ITGA4: variants seen among roughly 807,000 people sequenced by gnomAD.
ITGA4 encodes integrin subunit alpha 4.
Under a neutral mutation model 133.6 loss-of-function variants are expected in ITGA4, and 63 were observed. That is an observed-to-expected ratio of 0.47 (90% confidence interval 0.38 to 0.58). The LOEUF (loss-of-function observed/expected upper bound fraction) is 0.58, where lower values mean the gene tolerates loss of function less well. Ranked by LOEUF, ITGA4 falls within the 20% of genes least tolerant of loss-of-function variation. The pLI is 0.00. For missense variants in ITGA4, 1,076 were observed against 1,252.7 expected (o/e 0.86, Z 2.13); for synonymous variants, 483 against 438.0 (o/e 1.10, Z -1.28).
intron 4 of ITGA4, chr2:181,476,028 G>A (rs1333789964): frequency 7.7e-6 from 7 of 907,068 alleles, no homozygotes; most frequent in Non-Finnish European, 1.1e-5. Context: ...AAATTTTATT[G>A]GTTGGCAAAA....
At chr2:181,504,996 C>T (rs1210820469) in intron 15 of ITGA4, among the ~76,000 whole-genome samples, 2 of 151,706 alleles carry the variant, frequency 1.3e-5, no homozygotes, top group Admixed American at 6.6e-5. Context: ...TTTTCCTTCC[C>T]GAGCCCTGCA....
chr2:181,460,566 AGTGT>A (rs61016862), intron 2 of ITGA4, among the ~76,000 whole-genome samples: 9,415 of 147,906 alleles, frequency 0.064, 364 homozygotes, highest in Middle Eastern at 0.12. Flanking sequence ...TCTGTAGAAG[AGTGT>A]GTGTGTGTGT....
At position 181,529,547 on chromosome 2, in the gene ITGA4, A is replaced by G; in HGVS notation, c.2437A>G (p.Asn813Asp). The change falls in exon 23 of 28, where the codon AAC becomes GAC. Residue 813 changes from asparagine to aspartate, a missense_variant. Around this residue, in one of 4 missense-constraint regions of ITGA4, gnomAD observed 365 missense variants for 421.4 expected, o/e 0.87. Transcript: ENST00000397033. ...AATTTTTCCTTCTTATCAGGTTATC[A>G]ACACTGGCAATAGTATGGCTCCCAA... ...EKMNLTFHVI[N>D]TGNSMAPNVS... The G allele has an allele frequency of 6.3e-7, 1 of 1,584,020 alleles. No individual in the cohort carries two copies. The highest frequency in any genetic ancestry group is 8.7e-7 in the Non-Finnish European group (1 of 1,154,776).
At chr2:181,460,003 G>C (rs1559034425) in intron 2 of ITGA4, among the ~76,000 whole-genome samples, 1 of 152,188 alleles carries the variant, frequency 6.6e-6, no homozygotes, top group Non-Finnish European at 1.5e-5. Context: ...TAGCATGGGA[G>C]TTGACTGTTC....
Position 181,536,718 on chromosome 2 carries a change from A to AGGTTCTATTTTAAATGACTTTCT in ITGA4, c.*1194_*1216dup, listed in dbSNP as rs1196981530. On this transcript the variant is annotated 3_prime_UTR_variant, in exon 28 of 28. Transcript: ENST00000397033. The stretch of plus-strand genomic sequence containing the variant: ...TTTTATAGTTTGTTCATACTATATG[A>AGGTTCTATTTTAAATGACTTTCT]GGTTCTATTTTAAATGACTTTCTGG... The AGGTTCTATTTTAAATGACTTTCT allele has an allele frequency of 4.2e-6, 1 of 236,606 alleles. No individual in the cohort carries two copies. Among genetic ancestry groups the AGGTTCTATTTTAAATGACTTTCT allele is most frequent in the Admixed American group, 5.2e-5 (1 of 19,362 alleles). 14.7% of individuals were successfully genotyped at this position (236,606 alleles called of 1,614,324 possible).
chr2:181,522,366 A>C, intron 18 of ITGA4, 25 bp downstream of exon 18: 1 of 1,504,620 alleles, frequency 6.6e-7, no homozygotes, highest in Non-Finnish European at 9.1e-7. Context: ...CCACAATAGC[A>C]TGATACTACT....
intron 7 of ITGA4, 53 bp downstream of exon 7, chr2:181,481,736 A>G (rs932621516): frequency 3.8e-6 from 3 of 798,800 alleles, no homozygotes; most frequent in Non-Finnish European, 6.1e-6. Flanking sequence ...AATATATTGC[A>G]TGAATAAGAT....
intron 2 of ITGA4, among the ~76,000 whole-genome samples, chr2:181,471,978 T>C (rs966936676): frequency 6.6e-6 from 1 of 151,754 alleles, no homozygotes; most frequent in Non-Finnish European, 1.5e-5. Flanking sequence ...AATAGCCTAA[T>C]GATTTAGTGG....
chr2:181,530,513 T>C lies in ITGA4; in HGVS notation c.2539-11T>C. Reference sequence around the variant, plus strand: ...GAAAGATAAGATTTCTCTTGCTTTCTGTCTTCATAGACTACTACTGGAGAA... The same window carrying C: ...GAAAGATAAGATTTCTCTTGCTTTCCGTCTTCATAGACTACTACTGGAGAA... On this transcript the variant is annotated splice_polypyrimidine_tract_variant and intron_variant, in intron 23 of 27. Coordinates refer to ENST00000397033, the MANE Select transcript of ITGA4 (RefSeq NM_000885.6). 6.2e-7 allele frequency: 1 copy of C among 1,602,254 alleles called. No homozygotes were observed. Among genetic ancestry groups the C allele is most frequent in the Non-Finnish European group, 8.5e-7 (1 of 1,171,894 alleles).
At chr2:181,528,529 T>G (rs929568012) in intron 22 of ITGA4, among the ~76,000 whole-genome samples, 5 of 152,210 alleles carry the variant, frequency 3.3e-5, no homozygotes, top group African/African-American at 1.2e-4. Flanking sequence ...TCTTAGAGGT[T>G]TAATTGTTGT....
At chr2:181,486,454 G>A (rs912785370) in intron 10 of ITGA4, 1 of 152,860 alleles carries the variant, frequency 6.5e-6, no homozygotes, top group Non-Finnish European at 1.5e-5. Flanking sequence ...CTGGAGCAGG[G>A]TTCTGGAAGC....
intron 17 of ITGA4, among the ~76,000 whole-genome samples, chr2:181,521,113 T>C (rs190294573): frequency 6.6e-6 from 1 of 152,314 alleles, no homozygotes; most frequent in Non-Finnish European, 1.5e-5. Flanking sequence ...CTTTTTTATC[T>C]ATCCTCACCT....
chr2:181,515,313 A>G (rs1172007196), intron 17 of ITGA4, among the ~76,000 whole-genome samples: 1 of 152,104 alleles, frequency 6.6e-6, no homozygotes, highest in African/African-American at 2.4e-5. Context: ...CGACTCATTA[A>G]GGTTGTCTTA....
Position 181,509,798 on chromosome 2 carries a change from G to GA in ITGA4, c.1843dup (p.Thr615AsnfsTer11). 3.1e-6 allele frequency: 5 copies of GA among 1,598,404 alleles called. No individual in the cohort carries two copies. The highest frequency in any genetic ancestry group is 4.3e-6 in the Non-Finnish European group (5 of 1,172,898). On this transcript the variant is annotated frameshift_variant, in exon 16 of 28. Transcript: ENST00000397033. LOFTEE classifies it high-confidence loss of function. ...AGCAGAAGAAAGAAAAAGACATAAT[G>GA]AAAAAAACAGTAGGAATATTTTCCT...
rs2105747651 is a variant in ITGA4, at chr2:181,498,729, G to A, written c.1647G>A (p.Gln549=). ...CTGACGTGATTACAGGAAGCATACA[G>A]GTGTCCAGCAGAGAAGCTAACTGTA... ...GTSDVITGSI[Q]VSSREANCRT... Residue 549 remains glutamine, a synonymous_variant, in exon 15 of 28, where the codon CAG becomes CAA. Coordinates refer to ENST00000397033, the MANE Select transcript of ITGA4 (RefSeq NM_000885.6). The A allele has an allele frequency of 6.2e-7, 1 of 1,612,162 alleles. No homozygotes were observed.
intron 15 of ITGA4, among the ~76,000 whole-genome samples, chr2:181,500,640 C>T (rs748113178): frequency 1.3e-5 from 2 of 152,066 alleles, no homozygotes; most frequent in Non-Finnish European, 2.9e-5. Flanking sequence ...AATGAAGTGG[C>T]ACTTGTTAAT....
chr2:181,487,057 G>A (rs1445490650), intron 10 of ITGA4, among the ~76,000 whole-genome samples: 2 of 152,088 alleles, frequency 1.3e-5, no homozygotes, highest in African/African-American at 4.8e-5. Context: ...ACGTAAAATA[G>A]TGTAACTTGT....
rs954759094 is a variant in ITGA4, at chr2:181,516,403, T to A, written c.1922+4628T>A. Among the ~76,000 whole-genome samples, 1 of 152,096 alleles carries A rather than the reference T, an allele frequency of 6.6e-6. No individual in the cohort carries two copies. The highest frequency in any genetic ancestry group is 1.5e-5 in the Non-Finnish European group (1 of 68,006). On this transcript the variant is annotated intron_variant, in intron 17 of 27. Transcript: ENST00000397033. This position sits in a 1 kb window ranked among gnomAD's most constrained non-coding sequence, Gnocchi z 4.0. ...GGTTTGGTGAACAGCTACCAAAGAC[T>A]AGACATTGATGGTTATCTTTCCAGC...
chr2:181,461,244 C>G (rs1313004601), intron 2 of ITGA4, among the ~76,000 whole-genome samples: 1 of 148,600 alleles, frequency 6.7e-6, no homozygotes, highest in Admixed American at 6.8e-5. Context: ...TGAGATACCC[C>G]TTTTAGTCAA....
Sources: allele counts gnomAD v4.1 joint callset (sites outside exome capture counted in the v4.1 genomes callset), GRCh38; gene constraint gnomAD v4.1.1; regional missense constraint gnomAD v4.1.1; non-coding constraint Gnocchi (gnomAD v3.1); transcripts MANE v1.5; gene names NCBI Gene and HGNC (gene_info 2026-07-23, HGNC 2026-07-21).